Variants in ST6GALNAC1 observed in about 807,000 individuals in gnomAD.
The protein encoded by ST6GALNAC1 is ST6 N-acetylgalactosaminide alpha-2,6-sialyltransferase 1.
Under a neutral mutation model 56.8 loss-of-function variants are expected in ST6GALNAC1, and 45 were observed. The observed-to-expected ratio is 0.79, with a 90% confidence interval of 0.62 to 1.02. The LOEUF (loss-of-function observed/expected upper bound fraction) is 1.02, where lower values mean the gene tolerates loss of function less well. Ranked by LOEUF, ST6GALNAC1 falls within the 50% of genes least tolerant of loss-of-function variation. ST6GALNAC1 has a pLI of 0.00. For synonymous variants in ST6GALNAC1, 295 were observed against 297.8 expected, an observed-to-expected ratio of 0.99 and a Z score of 0.10; for missense variants, 743 against 754.8, an observed-to-expected ratio of 0.98 and a Z score of 0.18.
chr17:76,631,393 G>A (rs1211414641), intron 1 of ST6GALNAC1, among the ~76,000 whole-genome samples: 1 of 152,150 alleles, frequency 6.6e-6, no homozygotes, highest in African/African-American at 2.4e-5. Flanking sequence ...GGAGCATCCC[G>A]AAAAGGCTAA....
intron 1 of ST6GALNAC1, 80 bp downstream of exon 1, chr17:76,643,428 C>G: frequency 6.6e-7 from 1 of 1,519,164 alleles, no homozygotes; most frequent in Non-Finnish European, 8.9e-7. Context: ...GCTCAGACTT[C>G]CCCAGTCCTC....
rs567361059 is a variant in ST6GALNAC1 at position 76,638,226 on chromosome 17, A to C, written c.131+5282T>G. Among the ~76,000 whole-genome samples, 54 of 151,904 alleles carry C rather than the reference A, an allele frequency of 3.6e-4. No homozygotes were observed. The South Asian group carries it at 9.8e-3, about 27-fold the overall frequency. ...ATCTCTAAAGCTAAAACAAGCATAG[A>C]TCTTCCAAAACATATTTATACCAGA... is the stretch of plus-strand genomic sequence containing the variant. On this transcript the variant is annotated intron_variant, in intron 1 of 8. Coordinates refer to ENST00000156626, the MANE Select transcript of ST6GALNAC1 (RefSeq NM_018414.5).
rs201137524 is a variant in ST6GALNAC1, at chr17:76,643,649, C to T, written c.-11G>A. ...CAGGCAGGACCTCATGGTGGTGGGT[C>T]GGGTTCTAGAGGAAGGTTCTGCATG... On this transcript the variant is annotated 5_prime_UTR_variant, in exon 1 of 9. Transcript: ENST00000156626. The T allele has an allele frequency of 2.3e-3, 3,676 of 1,613,282 alleles. 5 individuals carry two copies. Among genetic ancestry groups the T allele is most frequent in the Non-Finnish European group, 2.8e-3 (3,321 of 1,179,616 alleles).
chr17:76,627,103 A>G lies in ST6GALNAC1; in HGVS notation c.1136T>C (p.Met379Thr). The G allele has an allele frequency of 4.4e-6, 7 of 1,577,940 alleles. No individual in the cohort carries two copies. Among genetic ancestry groups the G allele is most frequent in the South Asian group, 1.2e-5 (1 of 84,890 alleles). ...GTCGTGACTGTCTATCTCCTGGCCC[A>G]TGTGGGAGTTGTTCAGGATGCCCCC... ...GNGGILNNSH[M>T]GQEIDSHDYV... Residue 379 changes from methionine (M) to threonine (T), a missense_variant, in exon 4 of 9, where the codon ATG becomes ACG. Coordinates refer to ENST00000156626, the MANE Select transcript of ST6GALNAC1 (RefSeq NM_018414.5). This position sits in a 1 kb window ranked among gnomAD's most constrained non-coding sequence, Gnocchi z 4.4.
Position 76,625,843 on chromosome 17 carries a change from G to A in ST6GALNAC1, c.1581C>T (p.Leu527=), listed in dbSNP as rs1273748089. 4 of 1,541,216 alleles carry A rather than the reference G, an allele frequency of 2.6e-6. No homozygotes were observed. The African/African-American group carries it at 5.5e-5, about 21-fold the overall frequency. Residue 527 remains leucine (L), a synonymous_variant, in exon 8 of 9, where the codon CTC becomes CTT. Coordinates refer to ENST00000156626, the MANE Select transcript of ST6GALNAC1 (RefSeq NM_018414.5). ...CCTGGTCACAGAGCTGAAGGGCAGTGAGCAGCAGGAGGGCCCCAGTGGTGG... is the reference window on the plus strand; with the variant it reads ...CCTGGTCACAGAGCTGAAGGGCAGTAAGCAGCAGGAGGGCCCCAGTGGTGG... The part of the protein sequence containing the change: ...YRPTTGALLL[L]TALQLCDQVS...
downstream of ST6GALNAC1, among the ~76,000 whole-genome samples, chr17:76,623,329 C>A (rs573612048): frequency 5.9e-5 from 9 of 152,110 alleles, no homozygotes; most frequent in Non-Finnish European, 8.8e-5. Flanking sequence ...CGCAGGTATT[C>A]CTAGCTCTTC....
At chr17:76,639,686 CACACACACACTA>C in intron 1 of ST6GALNAC1, among the ~76,000 whole-genome samples, 1 of 100,434 alleles carries the variant, frequency 1.0e-5, no homozygotes, top group East Asian at 2.8e-4. Context: ...CACACACACA[CACACACACACTA>C]GGTGTTCTAC....
chr17:76,631,835 CT>C (rs1447814281), intron 1 of ST6GALNAC1, among the ~76,000 whole-genome samples: 1 of 152,150 alleles, frequency 6.6e-6, no homozygotes, highest in Admixed American at 6.5e-5. Context: ...GAGGAGGACA[CT>C]TTCAAGAGAA....
chr17:76,618,156 A>T, the ST6GALNAC1 span, among the ~76,000 whole-genome samples: 2 of 152,224 alleles, frequency 1.3e-5, no homozygotes, highest in Non-Finnish European at 2.9e-5. Flanking sequence ...ACAGATGAAA[A>T]GCAGGTCAGA....
downstream of ST6GALNAC1, among the ~76,000 whole-genome samples, chr17:76,620,193 A>T (rs1307395973): frequency 1.3e-5 from 2 of 151,464 alleles, no homozygotes; most frequent in Non-Finnish European, 2.9e-5. Flanking sequence ...GGCACGTGCC[A>T]CCATGCCCAG....
At chr17:76,636,641 C>T (rs867320995) in intron 1 of ST6GALNAC1, among the ~76,000 whole-genome samples, 2 of 151,676 alleles carry the variant, frequency 1.3e-5, no homozygotes, top group African/African-American at 2.4e-5. Context: ...CCAGCCTCCC[C>T]GTCCGGGAGG....
intron 1 of ST6GALNAC1, among the ~76,000 whole-genome samples, chr17:76,637,949 C>T (rs1027613606): frequency 4.6e-5 from 7 of 152,062 alleles, no homozygotes; most frequent in African/African-American, 1.4e-4. Context: ...TGTGCCTCAA[C>T]CCCCTGAGTA....
At chr17:76,630,182 A>G (rs955719586) in intron 1 of ST6GALNAC1, among the ~76,000 whole-genome samples, 4 of 152,226 alleles carry the variant, frequency 2.6e-5, no homozygotes, top group Non-Finnish European at 4.4e-5. Flanking sequence ...CTAAATGTCT[A>G]TTCTGTGCAG....
At chr17:76,629,901 C>A (rs8077315) in intron 1 of ST6GALNAC1, among the ~76,000 whole-genome samples, 190 bp from the exon 2 acceptor site, 1 of 151,134 alleles carries the variant, frequency 6.6e-6, no homozygotes, top group South Asian at 2.1e-4. Flanking sequence ...TCCTGCCCCA[C>A]CCCCCTGAGT....
At chr17:76,642,583 A>AT (rs760983182) in intron 1 of ST6GALNAC1, among the ~76,000 whole-genome samples, 5 of 151,804 alleles carry the variant, frequency 3.3e-5, no homozygotes, top group Admixed American at 6.6e-5. Flanking sequence ...ACCTTTCTGT[A>AT]TTTTTTTTAA....
chr17:76,632,889 A>G (rs1050082192), intron 1 of ST6GALNAC1, among the ~76,000 whole-genome samples: 9 of 152,210 alleles, frequency 5.9e-5, no homozygotes, highest in African/African-American at 2.2e-4. Context: ...GGAAGTAAAA[A>G]TATAAAATGT....
chr17:76,637,748 C>G (rs1171001721), intron 1 of ST6GALNAC1: 1 of 398,824 alleles, frequency 2.5e-6, no homozygotes, highest in East Asian at 3.6e-5. Context: ...TGCAGAGGGG[C>G]AAGAAGAGCT....
Position 76,629,257 on chromosome 17 carries a change from T to C in ST6GALNAC1, c.586A>G (p.Ile196Val). Residue 196 changes from isoleucine to valine, a missense_variant, in exon 2 of 9, where the codon ATT (isoleucine) becomes GTT (valine). By Grantham distance (29) the Ile-to-Val change is conservative (BLOSUM62 3). Coordinates refer to ENST00000156626, the MANE Select transcript of ST6GALNAC1 (RefSeq NM_018414.5). ...AGCATTCTGTGCTGACTTTTGGGAA[T>C]GAGCGTCTTGGCTGTGGTTGCCGCT... ...GKAATTAKTLIPKSQHRMLAP... is the reference protein window; with the variant it reads ...GKAATTAKTLVPKSQHRMLAP... 6.2e-7 allele frequency: 1 copy of C among 1,614,180 alleles called. No individual in the cohort carries two copies. Among genetic ancestry groups the C allele is most frequent in the Non-Finnish European group, 8.5e-7 (1 of 1,180,022 alleles).
At chr17:76,619,096 C>T in the ST6GALNAC1 span, among the ~76,000 whole-genome samples, 3 of 152,166 alleles carry the variant, frequency 2.0e-5, no homozygotes, top group Non-Finnish European at 2.9e-5. Flanking sequence ...CCAGTGGGAG[C>T]GTCTTCAGGC....
Sources: gnomAD v4.1 joint callset for allele counts (sites outside exome capture counted in the v4.1 genomes callset) on GRCh38, gnomAD v4.1.1 for gene constraint, Gnocchi (gnomAD v3.1) non-coding constraint, MANE v1.5 for transcripts, NCBI Gene and HGNC (gene_info 2026-07-23, HGNC 2026-07-21) for gene names.